The following WASHC3 variants were observed in gnomAD, a reference collection of about 807,000 sequenced individuals.
WASHC3 encodes WASH complex subunit CCDC53.
A neutral mutation model predicts 26.1 loss-of-function variants in WASHC3; 24 were observed. The observed-to-expected ratio is 0.92, with a 90% CI of 0.66 to 1.29. The LOEUF (loss-of-function observed/expected upper bound fraction) is 1.29, where lower values mean the gene tolerates loss of function less well. Among genes scored for constraint, WASHC3 ranks in the 50% most tolerant of loss-of-function variants. The pLI is 0.00. For missense variants in WASHC3, 214 were observed against 229.6 expected (o/e 0.93, Z 0.44); for synonymous variants, 77 against 75.7 (o/e 1.02, Z -0.09).
intron 5 of WASHC3, among the ~76,000 whole-genome samples, chr12:102,031,042 C>T (rs1877417755): frequency 6.6e-6 from 1 of 152,132 alleles, no homozygotes; most frequent in Admixed American, 6.5e-5. Context: ...TCTAAGCTCC[C>T]TAACTTTCAA....
chr12:102,051,634 C>T (rs1268311024), intron 2 of WASHC3, among the ~76,000 whole-genome samples: 1 of 152,180 alleles, frequency 6.6e-6, no homozygotes, highest in Non-Finnish European at 1.5e-5. Context: ...TTGACTTTTC[C>T]AGTTAAAAAA....
chr12:102,027,916 T>G (rs1163964095), intron 5 of WASHC3, among the ~76,000 whole-genome samples: 1 of 152,068 alleles, frequency 6.6e-6, no homozygotes, highest in African/African-American at 2.4e-5. Context: ...AAATAATACA[T>G]GAATCAATAT....
Position 102,013,002 on chromosome 12 carries a change from A to C in WASHC3, c.*106T>G. On this transcript the variant is annotated 3_prime_UTR_variant, in exon 7 of 7. Coordinates refer to ENST00000240079, the MANE Select transcript of WASHC3 (RefSeq NM_016053.4). Reference sequence around the variant, plus strand: ...ACATAGAAGAAGCTTGGTAGTGGACATGTGGCCATTTGATGTTTTTATGAC... The same window carrying C: ...ACATAGAAGAAGCTTGGTAGTGGACCTGTGGCCATTTGATGTTTTTATGAC... 1 of 567,236 alleles carries C rather than the reference A, an allele frequency of 1.8e-6. No individual in the cohort carries two copies. The highest frequency in any genetic ancestry group is 3.1e-5 in the East Asian group (1 of 32,578). 35.1% of individuals were successfully genotyped at this position (567,236 alleles called of 1,614,324 possible).
chr12:102,017,387 G>T (rs1876752814), intron 6 of WASHC3, among the ~76,000 whole-genome samples: 1 of 152,088 alleles, frequency 6.6e-6, no homozygotes, highest in Non-Finnish European at 1.5e-5. Flanking sequence ...TGTGTGAAAA[G>T]AAAAAATAGT....
intron 5 of WASHC3, among the ~76,000 whole-genome samples, chr12:102,039,127 GGTTTTTTTTT>G (rs1450642724): frequency 1.2e-5 from 1 of 84,272 alleles, no homozygotes; most frequent in Non-Finnish European, 2.3e-5. Flanking sequence ...TATGGAGTTA[GGTTTTTTTTT>G]TTTTTTTTTT....
At chr12:102,014,970 T>C (rs1470543257) in intron 6 of WASHC3, among the ~76,000 whole-genome samples, 2 of 152,162 alleles carry the variant, frequency 1.3e-5, no homozygotes, top group Non-Finnish European at 2.9e-5. Flanking sequence ...CTCAAACAAA[T>C]ACAACAATGT....
At chr12:102,042,875 T>A (rs150570173) in intron 4 of WASHC3, among the ~76,000 whole-genome samples, 32 of 152,370 alleles carry the variant, frequency 2.1e-4, no homozygotes, top group African/African-American at 5.8e-4. Context: ...TAGATTTTAA[T>A]ACCTCGCTGA....
chr12:102,043,197 C>A (rs929912175), intron 4 of WASHC3, among the ~76,000 whole-genome samples: 3 of 152,116 alleles, frequency 2.0e-5, no homozygotes, highest in African/African-American at 7.2e-5. Flanking sequence ...CCAGGTGATG[C>A]CCATGTGGTT....
chr12:102,050,222 G>A (rs778260466), intron 2 of WASHC3: 9 of 418,066 alleles, frequency 2.2e-5, no homozygotes, highest in South Asian at 1.5e-4. Flanking sequence ...GCTGAGGCAG[G>A]AGGTCTAGGC....
intron 2 of WASHC3, among the ~76,000 whole-genome samples, chr12:102,052,657 T>C (rs952270898): frequency 1.3e-5 from 2 of 151,758 alleles, no homozygotes; most frequent in African/African-American, 2.4e-5. Context: ...CCTGCAGATA[T>C]AGGTTCCAGG....
chr12:102,042,630 T>G (rs1157420612), intron 4 of WASHC3, among the ~76,000 whole-genome samples: 1 of 152,200 alleles, frequency 6.6e-6, no homozygotes, highest in Non-Finnish European at 1.5e-5. Context: ...ATAGGGCTGT[T>G]GTAAAGATTA....
At chr12:102,056,040 C>T (rs1296488836) in intron 2 of WASHC3, among the ~76,000 whole-genome samples, 3 of 152,200 alleles carry the variant, frequency 2.0e-5, no homozygotes, top group African/African-American at 7.2e-5. Context: ...TTCTATCTAA[C>T]TAGACTAGCT....
rs151151284 is a variant in WASHC3 at position 102,039,127 on chromosome 12, G to GTTTTTTTTTTTT, written c.435+740_435+741insAAAAAAAAAAAA. On this transcript the variant is annotated intron_variant, in intron 5 of 6. Transcript: ENST00000240079. ...AGGTGCATGCCATCATATGGAGTTA[G>GTTTTTTTTTTTT]GTTTTTTTTTTTTTTTTTTTTTTTA... 2.4e-5 allele frequency among the ~76,000 whole-genome samples: 2 copies of GTTTTTTTTTTTT among 84,272 alleles called. 1 individual carries two copies. The highest frequency in any genetic ancestry group is 9.7e-5 in the African/African-American group (2 of 20,632). 55.3% of individuals were successfully genotyped at this position (84,272 alleles called of 152,430 possible).
At chr12:102,021,043 C>T (rs541661928) in intron 6 of WASHC3, among the ~76,000 whole-genome samples, 2 of 152,270 alleles carry the variant, frequency 1.3e-5, no homozygotes, top group East Asian at 3.9e-4. Flanking sequence ...GATTGCACCA[C>T]TGCACTCCAG....
At chr12:102,028,942 G>T (rs1445790189) in intron 5 of WASHC3, among the ~76,000 whole-genome samples, 1 of 152,010 alleles carries the variant, frequency 6.6e-6, no homozygotes, top group Non-Finnish European at 1.5e-5. Context: ...ATACAATTTG[G>T]CATTTTTAGT....
chr12:102,061,649 C>G (rs780034030), intron 1 of WASHC3, among the ~76,000 whole-genome samples: 1 of 152,186 alleles, frequency 6.6e-6, no homozygotes, highest in Non-Finnish European at 1.5e-5. Context: ...CTATCGCAAC[C>G]GGCGTGTGTC....
At chr12:102,040,066 C>G in intron 4 of WASHC3, 88 bp from the exon 5 acceptor site, 1 of 534,540 alleles carries the variant, frequency 1.9e-6, no homozygotes, top group Non-Finnish European at 3.4e-6. Flanking sequence ...TTCCATAATT[C>G]TAAGGCAGTA....
chr12:102,017,052 G>A (rs1876736021), intron 6 of WASHC3, among the ~76,000 whole-genome samples: 1 of 152,156 alleles, frequency 6.6e-6, no homozygotes, highest in Non-Finnish European at 1.5e-5. Flanking sequence ...CTCCAGTCCT[G>A]AAAGCTCCAT....
intron 5 of WASHC3, among the ~76,000 whole-genome samples, chr12:102,027,456 A>G (rs1488121853): frequency 6.6e-6 from 1 of 152,222 alleles, no homozygotes; most frequent in Non-Finnish European, 1.5e-5. Flanking sequence ...TACAAATTTA[A>G]TATGAAAAGT....
Sources: allele counts gnomAD v4.1 joint callset (sites outside exome capture counted in the v4.1 genomes callset), GRCh38; gene constraint gnomAD v4.1.1; transcripts MANE v1.5; gene names NCBI Gene and HGNC (gene_info 2026-07-23, HGNC 2026-07-21).